GRIK2: variants seen among roughly 807,000 people sequenced by gnomAD.
GRIK2 encodes the protein glutamate receptor ionotropic, kainate 2.
GRIK2 carries 32 observed loss-of-function variants against 100.3 expected under a neutral mutation model. That is an observed-to-expected ratio of 0.32 (90% CI 0.24 to 0.43). GRIK2 has a LOEUF of 0.43. Among genes scored for constraint, GRIK2 ranks in the 20% least tolerant of loss-of-function variants. The pLI is 1.00. For synonymous variants in GRIK2, 417 were observed against 389.4 expected (o/e 1.07, Z -0.83); for missense variants, 843 against 1,114.9 (o/e 0.76, Z 3.47).
chr6:101,671,315 G>T (rs1284263204), intron 4 of GRIK2, among the ~76,000 whole-genome samples: 1 of 151,724 alleles, frequency 6.6e-6, no homozygotes, highest in Non-Finnish European at 1.5e-5. Context: ...TTCATTATTA[G>T]TTATTTAATA....
In GRIK2 at chr6:101,859,426, G is replaced by T. The variant is rs191611838; in HGVS notation, c.1457G>T (p.Gly486Val). The T allele has an allele frequency of 6.2e-7, 1 of 1,610,282 alleles. No homozygotes were observed. Among genetic ancestry groups the T allele is most frequent in the East Asian group, 2.2e-5 (1 of 44,786 alleles). Residue 486 changes from glycine (G) to valine (V), a missense_variant, in exon 11 of 17, where the codon GGG becomes GTG. Physicochemically the swap from Gly to Val is moderately radical, Grantham distance 109. This residue lies in a region of GRIK2 where 519 missense variants were observed against 643.8 expected (regional missense o/e 0.81). Transcript: ENST00000369134. The part of the protein sequence containing the change: ...FTYEIRLVED[G>V]KYGAQDDANG... ...TATGAAATTAGACTTGTGGAAGATG[G>T]GAAATATGGAGCCCAGGATGATGCC... is the stretch of plus-strand genomic sequence containing the variant.
chr6:101,830,375 C>CT (rs1023038063), intron 10 of GRIK2, among the ~76,000 whole-genome samples: 2 of 151,860 alleles, frequency 1.3e-5, no homozygotes, highest in Non-Finnish European at 2.9e-5. Flanking sequence ...AAATTTATGA[C>CT]TAAGTCCTCA....
chr6:101,483,983 G>C (rs572166818), intron 2 of GRIK2, among the ~76,000 whole-genome samples: 2 of 152,172 alleles, frequency 1.3e-5, no homozygotes, highest in Non-Finnish European at 2.9e-5. Flanking sequence ...AAAGATATTG[G>C]GCAGCCAGTT....
intron 14 of GRIK2, among the ~76,000 whole-genome samples, chr6:101,994,925 G>A (rs1330667199): frequency 6.6e-6 from 1 of 151,790 alleles, no homozygotes; most frequent in African/African-American, 2.4e-5. Flanking sequence ...TATCAAGGTT[G>A]ATCAGATCAT....
At chr6:101,864,753 T>A (rs1230433588) in intron 11 of GRIK2, among the ~76,000 whole-genome samples, 1 of 152,172 alleles carries the variant, frequency 6.6e-6, no homozygotes, top group Non-Finnish European at 1.5e-5. Context: ...GTTTACAGGA[T>A]TACTGTTGAA....
At chr6:101,895,123 G>C (rs1787357586) in intron 12 of GRIK2, among the ~76,000 whole-genome samples, 1 of 151,720 alleles carries the variant, frequency 6.6e-6, no homozygotes, top group Non-Finnish European at 1.5e-5. Flanking sequence ...GGGTCAAATA[G>C]AGGAGAAAGT....
intron 7 of GRIK2, among the ~76,000 whole-genome samples, chr6:101,687,560 AT>A (rs1413359446): frequency 1.3e-5 from 2 of 151,830 alleles, no homozygotes; most frequent in African/African-American, 2.4e-5. Flanking sequence ...GGAAAATTTG[AT>A]TTTTTTATCC....
chr6:101,926,698 C>T (rs1045637698), intron 13 of GRIK2, among the ~76,000 whole-genome samples: 2 of 152,152 alleles, frequency 1.3e-5, no homozygotes, highest in African/African-American at 4.8e-5. Context: ...GGAACCCATA[C>T]TATTCTGGCT....
chr6:101,895,084 A>C (rs377222740), intron 12 of GRIK2, among the ~76,000 whole-genome samples: 5 of 151,972 alleles, frequency 3.3e-5, no homozygotes, highest in African/African-American at 9.6e-5. Context: ...ATAAAAATGC[A>C]TTAGGCTATT....
chr6:101,783,606 G>A (rs1779241586), intron 7 of GRIK2, among the ~76,000 whole-genome samples: 1 of 152,156 alleles, frequency 6.6e-6, no homozygotes, highest in Non-Finnish European at 1.5e-5. Context: ...AGTTTGGAGA[G>A]CTTCAAAGTA....
chr6:101,453,885 T>G (rs986079442), intron 2 of GRIK2, among the ~76,000 whole-genome samples: 1 of 152,090 alleles, frequency 6.6e-6, no homozygotes, highest in Admixed American at 6.6e-5. Context: ...AATTGCTAAA[T>G]TCTATATAAA....
chr6:101,818,058 A>G (rs1243631646), intron 9 of GRIK2, among the ~76,000 whole-genome samples: 2 of 152,202 alleles, frequency 1.3e-5, no homozygotes, highest in African/African-American at 4.8e-5. Flanking sequence ...TATGCCATTA[A>G]TGAGTTTCTA....
chr6:101,473,708 C>T (rs1024034776), intron 2 of GRIK2, among the ~76,000 whole-genome samples: 5 of 151,662 alleles, frequency 3.3e-5, no homozygotes, highest in African/African-American at 4.8e-5. Context: ...TGTTTTTGCC[C>T]ATATTTTCAA....
At chr6:101,742,967 A>C (rs896706127) in intron 7 of GRIK2, among the ~76,000 whole-genome samples, 1 of 152,198 alleles carries the variant, frequency 6.6e-6, no homozygotes, top group Non-Finnish European at 1.5e-5. Flanking sequence ...GGGGGAGATT[A>C]GAATTTTATT....
chr6:101,427,917 A>G (rs995999150), intron 2 of GRIK2, among the ~76,000 whole-genome samples: 2 of 152,318 alleles, frequency 1.3e-5, no homozygotes, highest in Admixed American at 1.3e-4. Flanking sequence ...TCGATGGATC[A>G]CAGAGGCAAT....
chr6:101,735,054 G>A (rs939541629), intron 7 of GRIK2, among the ~76,000 whole-genome samples: 6 of 152,150 alleles, frequency 3.9e-5, no homozygotes, highest in African/African-American at 1.4e-4. Context: ...TATTTGTAGT[G>A]TGTGATTTAC....
intron 2 of GRIK2, among the ~76,000 whole-genome samples, chr6:101,509,526 T>C (rs1774197103): frequency 6.6e-6 from 1 of 152,188 alleles, no homozygotes; most frequent in Non-Finnish European, 1.5e-5. Context: ...TTATCCTGAA[T>C]TGAAAGCTTA....
chr6:101,451,559 C>T (rs1006672039), intron 2 of GRIK2, among the ~76,000 whole-genome samples: 1 of 151,372 alleles, frequency 6.6e-6, no homozygotes, highest in Non-Finnish European at 1.5e-5. Context: ...CAAAAGCCAC[C>T]ATTCATGAAG....
chr6:101,635,539 A>G (rs1336888701), intron 4 of GRIK2, among the ~76,000 whole-genome samples: 1 of 152,172 alleles, frequency 6.6e-6, no homozygotes, highest in African/African-American at 2.4e-5. Context: ...TCTGCACAGC[A>G]AAAGAAACTA....
Sources: gnomAD v4.1 joint callset for allele counts (sites outside exome capture counted in the v4.1 genomes callset) on GRCh38, gnomAD v4.1.1 for gene constraint, gnomAD v4.1.1 regional missense constraint, MANE v1.5 for transcripts, NCBI Gene and HGNC (gene_info 2026-07-23, HGNC 2026-07-21) for gene names.